Variants in GPC5 observed in about 807,000 individuals in gnomAD.
GPC5 encodes glypican 5.
Under a neutral mutation model 53.9 loss-of-function variants are expected in GPC5, and 47 were observed. The ratio of observed to expected loss-of-function variants is 0.87; its 90% CI spans 0.69 to 1.11. The LOEUF is 1.11. Ranked by LOEUF, GPC5 falls within the 50% of genes most tolerant of loss-of-function variation. GPC5 has a pLI of 0.00. For missense variants in GPC5, 748 were observed against 713.1 expected (o/e 1.05, Z -0.56); for synonymous variants, 286 against 263.3 (o/e 1.09, Z -0.84).
chr13:91,690,486 AATG>A (rs1230201855), intron 2 of GPC5, among the ~76,000 whole-genome samples: 2 of 152,176 alleles, frequency 1.3e-5, no homozygotes, highest in Admixed American at 1.3e-4. Context: ...AAAGAGAAAT[AATG>A]ATATTTGGAA....
chr13:91,892,244 A>T (rs931085798), intron 5 of GPC5, among the ~76,000 whole-genome samples: 5 of 151,884 alleles, frequency 3.3e-5, no homozygotes, highest in Admixed American at 2.6e-4. Context: ...ACCACATAGT[A>T]TTTTTTCTCA....
intron 6 of GPC5, among the ~76,000 whole-genome samples, chr13:91,997,750 C>T (rs1230307730): frequency 6.6e-6 from 1 of 152,132 alleles, no homozygotes; most frequent in Non-Finnish European, 1.5e-5. Context: ...GAACTCCTGA[C>T]CTCAAATGAT....
intron 7 of GPC5, among the ~76,000 whole-genome samples, chr13:92,487,001 G>A (rs532288891): frequency 6.6e-5 from 10 of 152,054 alleles, no homozygotes; most frequent in Admixed American, 1.3e-4. Context: ...GATTATAGCC[G>A]CCCACCATCA....
At chr13:92,510,557 T>C (rs1373332046) in intron 7 of GPC5, among the ~76,000 whole-genome samples, 5 of 152,216 alleles carry the variant, frequency 3.3e-5, no homozygotes, top group African/African-American at 1.2e-4. Context: ...CTATTGTATA[T>C]ACAATTGACA....
intron 7 of GPC5, among the ~76,000 whole-genome samples, chr13:92,510,606 ATG>A: frequency 6.6e-6 from 1 of 152,284 alleles, no homozygotes; most frequent in Admixed American, 6.5e-5. Context: ...TACGGAATTT[ATG>A]GAATCTGAGC....
intron 2 of GPC5, among the ~76,000 whole-genome samples, chr13:91,601,700 G>C (rs1342529666): frequency 1.3e-5 from 2 of 152,132 alleles, no homozygotes; most frequent in African/African-American, 4.8e-5. Flanking sequence ...ATCTGTCACT[G>C]TCTCCCATCA....
At chr13:92,233,227 G>T (rs2042544126) in intron 7 of GPC5, among the ~76,000 whole-genome samples, 1 of 152,212 alleles carries the variant, frequency 6.6e-6, no homozygotes, top group Non-Finnish European at 1.5e-5. Flanking sequence ...TGTATAGGAA[G>T]AGATGAAAAT....
intron 6 of GPC5, among the ~76,000 whole-genome samples, chr13:91,961,772 A>T (rs986991876): frequency 3.9e-5 from 6 of 152,084 alleles, no homozygotes; most frequent in Admixed American, 3.9e-4. Flanking sequence ...ACTGAGCCAA[A>T]TAAGTAAAAC....
chr13:91,852,452 CT>C, intron 5 of GPC5, among the ~76,000 whole-genome samples: 1 of 151,538 alleles, frequency 6.6e-6, no homozygotes, highest in East Asian at 1.9e-4. Context: ...CTAGGTGTCA[CT>C]TTTTTAGAAA....
chr13:92,500,301 G>A (rs1880134700), intron 7 of GPC5, among the ~76,000 whole-genome samples: 1 of 152,132 alleles, frequency 6.6e-6, no homozygotes, highest in South Asian at 2.1e-4. Flanking sequence ...ACTCCCGGGA[G>A]AGTGCTGTGA....
chr13:91,678,477 G>A (rs867852574), intron 2 of GPC5, among the ~76,000 whole-genome samples: 2 of 152,150 alleles, frequency 1.3e-5, no homozygotes, highest in South Asian at 2.1e-4. Flanking sequence ...ACACTGTACT[G>A]TAGGCAGATA....
At chr13:92,417,598 T>G (rs919013022) in intron 7 of GPC5, among the ~76,000 whole-genome samples, 4 of 152,112 alleles carry the variant, frequency 2.6e-5, no homozygotes, top group African/African-American at 9.7e-5. Flanking sequence ...CTAGGACTGG[T>G]GTGGTGGCTC....
At chr13:92,482,774 C>T (rs1454210069) in intron 7 of GPC5, among the ~76,000 whole-genome samples, 6 of 152,138 alleles carry the variant, frequency 3.9e-5, no homozygotes, top group Non-Finnish European at 5.9e-5. Flanking sequence ...AAATAGTTCT[C>T]ATCCTTAAGA....
intron 7 of GPC5, among the ~76,000 whole-genome samples, chr13:92,310,583 G>A (rs569172625): frequency 2.0e-4 from 31 of 152,100 alleles, no homozygotes; most frequent in East Asian, 3.9e-4. Context: ...ACACACTCCC[G>A]TGAAAGTAGA....
intron 6 of GPC5, among the ~76,000 whole-genome samples, chr13:92,004,922 C>G (rs956511804): frequency 2.6e-5 from 4 of 152,114 alleles, no homozygotes; most frequent in African/African-American, 9.7e-5. Flanking sequence ...ATTATCGGAG[C>G]TGCAATTCAA....
At chr13:92,436,056 T>C (rs917112858) in intron 7 of GPC5, among the ~76,000 whole-genome samples, 7 of 152,202 alleles carry the variant, frequency 4.6e-5, no homozygotes, top group African/African-American at 1.7e-4. Flanking sequence ...GACTATTCTG[T>C]TATTTTGATA....
chr13:91,447,343 T>C (rs533044438), intron 1 of GPC5, among the ~76,000 whole-genome samples: 25 of 151,930 alleles, frequency 1.6e-4, no homozygotes, highest in Admixed American at 8.5e-4. Context: ...TTTTTTTTTT[T>C]CAAATAATTT....
In GPC5 at chr13:91,912,995, C is replaced by T. The variant is rs545168397; in HGVS notation, c.1401+4938C>T. Among the ~76,000 whole-genome samples, 5 of 152,246 alleles carry T rather than the reference C, an allele frequency of 3.3e-5. No individual in the cohort carries two copies. In the East Asian group the frequency reaches 7.7e-4, roughly 23 times the overall value. Reference sequence around the variant, plus strand: ...CATACTGGTATAAAACATCATTGGGCTCTCTAGAGACCAAGGTAACTGTCC... The same window carrying T: ...CATACTGGTATAAAACATCATTGGGTTCTCTAGAGACCAAGGTAACTGTCC... On this transcript the variant is annotated intron_variant, in intron 6 of 7. Coordinates refer to ENST00000377067, the MANE Select transcript of GPC5 (RefSeq NM_004466.6).
chr13:91,891,121 AGTATCTAATCTG>A (rs1241209445), intron 5 of GPC5, among the ~76,000 whole-genome samples: 18 of 152,346 alleles, frequency 1.2e-4, no homozygotes, highest in African/African-American at 3.6e-4. Flanking sequence ...AAAATAATTC[AGTATCTAATCTG>A]GTCTATAGGT....
Sources: gnomAD v4.1 joint callset for allele counts (sites outside exome capture counted in the v4.1 genomes callset) on GRCh38, gnomAD v4.1.1 for gene constraint, MANE v1.5 for transcripts, NCBI Gene and HGNC (gene_info 2026-07-23, HGNC 2026-07-21) for gene names.